Variants in ARHGEF10L observed in about 807,000 individuals in gnomAD.
ARHGEF10L encodes the protein rho guanine nucleotide exchange factor 10-like protein.
In ARHGEF10L, 69 loss-of-function variants were observed where a neutral mutation model predicts 141.2. The ratio of observed to expected loss-of-function variants is 0.49; its 90% CI spans 0.40 to 0.60. The LOEUF (loss-of-function observed/expected upper bound fraction) is 0.60. ARHGEF10L is among the 20% of genes least tolerant of loss of function. The probability of loss-of-function intolerance (pLI) is 0.00; values close to 1 mark genes in which losing one functional copy is unlikely to be tolerated. For missense variants in ARHGEF10L, 1,482 were observed against 1,734.3 expected (o/e 0.85, Z 2.58); for synonymous variants, 711 against 718.5 (o/e 0.99, Z 0.17).
rs190212541 is a variant in ARHGEF10L, at chr1:17,644,348, G to C, written c.2272+4046G>C. Among the ~76,000 whole-genome samples the C allele has an allele frequency of 6.6e-6, 1 of 152,370 alleles. No individual in the cohort carries two copies. The highest frequency in any genetic ancestry group is 1.9e-4 in the East Asian group (1 of 5,186). On this transcript the variant is annotated intron_variant, in intron 21 of 28. Transcript: ENST00000361221. The surrounding 1 kb of genome is among the most constrained non-coding windows in gnomAD (Gnocchi z 4.5). ...GTGTTCTAGACCTCAGCATGTCCTTGAACCCTCACTGCTGTCCCACAGGCT... is the reference window on the plus strand; with the variant it reads ...GTGTTCTAGACCTCAGCATGTCCTTCAACCCTCACTGCTGTCCCACAGGCT...
At chr1:17,536,012 G>C (rs1488854094), upstream of ARHGEF10L, among the ~76,000 whole-genome samples, 15 of 152,198 alleles carry the variant, frequency 9.9e-5, no homozygotes, top group Non-Finnish European at 2.2e-4. Flanking sequence ...TAGGGGCCTG[G>C]GGCCCAGTGT....
chr1:17,638,716 G>A lies in ARHGEF10L; in HGVS notation c.2171+27G>A, dbSNP rs572731091. The stretch of plus-strand genomic sequence containing the variant: ...TGAGAGGAGGGGGTCTTGGAGGGAG[G>A]GCTGCTGCCTCTGCTGGGCTTCCAG... On this transcript the variant is annotated intron_variant, in intron 20 of 28. Transcript: ENST00000361221. 1.7e-5 allele frequency: 28 copies of A among 1,612,546 alleles called. No homozygotes were observed. The African/African-American group carries it at 2.7e-4, about 15-fold the overall frequency.
At chr1:17,643,682 G>A (rs1224557485) in intron 21 of ARHGEF10L, among the ~76,000 whole-genome samples, 4 of 152,144 alleles carry the variant, frequency 2.6e-5, no homozygotes, top group Non-Finnish European at 5.9e-5. Flanking sequence ...ACCAGAAAAC[G>A]GGGAAAATGC....
At chr1:17,592,654 G>A (rs916396995) in intron 4 of ARHGEF10L, among the ~76,000 whole-genome samples, 3 of 152,196 alleles carry the variant, frequency 2.0e-5, no homozygotes, top group Admixed American at 2.0e-4. Context: ...CTCATGGGAA[G>A]GGCAGGTCAG....
rs948274631 is a variant in ARHGEF10L, at chr1:17,644,436, C to A, written c.2273-4118C>A. On this transcript the variant is annotated intron_variant, in intron 21 of 28. Transcript: ENST00000361221. This position sits in a 1 kb window ranked among gnomAD's most constrained non-coding sequence, Gnocchi z 4.5. ...ATGGGTCTCCTCTCCAGGAGTAGGG[C>A]CGAGGGCGTGGCCTTGGAGTCCGAC... 1.3e-5 allele frequency among the ~76,000 whole-genome samples: 2 copies of A among 152,216 alleles called. No homozygotes were observed. Among genetic ancestry groups the A allele is most frequent in the Admixed American group, 6.5e-5 (1 of 15,284 alleles).
chr1:17,630,220 C>T (rs1390153764), intron 15 of ARHGEF10L, among the ~76,000 whole-genome samples: 4 of 152,248 alleles, frequency 2.6e-5, no homozygotes, highest in African/African-American at 9.6e-5. Context: ...CTGGGTGTAA[C>T]CCGAAACGGA....
intron 7 of ARHGEF10L, among the ~76,000 whole-genome samples, chr1:17,611,301 A>G (rs540095545): frequency 6.6e-6 from 1 of 152,348 alleles, no homozygotes; most frequent in East Asian, 1.9e-4. Context: ...GAGTCTGGGT[A>G]GCTCTCAGAG....
At chr1:17,665,026 C>T (rs949099625) in intron 26 of ARHGEF10L, among the ~76,000 whole-genome samples, 4 of 152,180 alleles carry the variant, frequency 2.6e-5, no homozygotes, top group African/African-American at 9.7e-5. Context: ...GCCCTGGTTC[C>T]AGCACTGCCC....
At position 17,673,009 on chromosome 1, in the gene ARHGEF10L, C is replaced by G. The variant is rs995817953; in HGVS notation, c.3009+8414C>G. Among the ~76,000 whole-genome samples the G allele has an allele frequency of 2.6e-5, 4 of 152,054 alleles. No homozygotes were observed. Among genetic ancestry groups the G allele is most frequent in the African/African-American group, 9.7e-5 (4 of 41,374 alleles). On this transcript the variant is annotated intron_variant, in intron 26 of 28. Transcript: ENST00000361221. The surrounding 1 kb of genome is among the most constrained non-coding windows in gnomAD (Gnocchi z 4.1). ...CCTGTGTCTAGCACTTGGATTCCCCCCAACCAGAAGATTTAGGTGATGAAA... is the reference window on the plus strand; with the variant it reads ...CCTGTGTCTAGCACTTGGATTCCCCGCAACCAGAAGATTTAGGTGATGAAA...
chr1:17,696,746 C>T, intron 28 of ARHGEF10L, 102 bp from the exon 29 acceptor site: 1 of 1,283,808 alleles, frequency 7.8e-7, no homozygotes, highest in Admixed American at 2.7e-5. Context: ...AAGTGACCCC[C>T]CCAAATACCC....
the ARHGEF10L span, among the ~76,000 whole-genome samples, chr1:17,526,839 G>A: frequency 0.015 from 2,284 of 151,186 alleles, 62 homozygotes; most frequent in African/African-American, 0.052. Flanking sequence ...GTGAGGCAGA[G>A]TTTACAGTGA....
At chr1:17,608,802 T>A (rs923227173) in intron 7 of ARHGEF10L, among the ~76,000 whole-genome samples, 1 of 152,166 alleles carries the variant, frequency 6.6e-6, no homozygotes, top group Non-Finnish European at 1.5e-5. Flanking sequence ...ATTATTCTTT[T>A]GAGGCAGAGT....
chr1:17,615,862 G>C lies in ARHGEF10L; in HGVS notation c.727-232G>C, dbSNP rs926223286. 10 of 517,594 alleles carry C rather than the reference G, an allele frequency of 1.9e-5. No individual in the cohort carries two copies. Among genetic ancestry groups the C allele is most frequent in the Non-Finnish European group, 3.5e-5 (10 of 282,352 alleles). 32.1% of individuals were successfully genotyped at this position (517,594 alleles called of 1,614,324 possible). A position where few individuals can be genotyped will look rare whatever the true frequency, so the allele number is the denominator to read the frequency against. Reference sequence around the variant, plus strand: ...GAAATCTGCTCACATAGTCTGTCCTGAAAGGAAAAAAATCGGTTACAGCCT... The same window carrying C: ...GAAATCTGCTCACATAGTCTGTCCTCAAAGGAAAAAAATCGGTTACAGCCT... On this transcript the variant is annotated intron_variant, in intron 8 of 28. Coordinates refer to ENST00000361221, the MANE Select transcript of ARHGEF10L (RefSeq NM_018125.4). This position sits in a 1 kb window ranked among gnomAD's most constrained non-coding sequence, Gnocchi z 4.7.
intron 21 of ARHGEF10L, among the ~76,000 whole-genome samples, chr1:17,646,578 G>GCGTGCACA (rs1452025984): frequency 6.6e-6 from 1 of 152,134 alleles, no homozygotes; most frequent in African/African-American, 2.4e-5. Context: ...ACACACGCAC[G>GCGTGCACA]CGTGCACACG....
At position 17,553,037 on chromosome 1, in the gene ARHGEF10L, C is replaced by T. The variant is rs560757953; in HGVS notation, c.-44+13087C>T. On this transcript the variant is annotated intron_variant, in intron 1 of 28. Coordinates refer to ENST00000361221, the MANE Select transcript of ARHGEF10L (RefSeq NM_018125.4). ...CCCTACAACCCCTTAAGTTTTATCA[C>T]GAAGACTTGGAGCTCCAGTGGGCCT... Among the ~76,000 whole-genome samples, 170 of 152,318 alleles carry T rather than the reference C, an allele frequency of 1.1e-3. 1 individual carries two copies. Among genetic ancestry groups the T allele is most frequent in the African/African-American group, 3.4e-3 (141 of 41,576 alleles).
chr1:17,619,556 C>A lies in ARHGEF10L; in HGVS notation c.942+111C>A. The A allele has an allele frequency of 1.1e-6, 1 of 873,284 alleles. No homozygotes were observed. Among genetic ancestry groups the A allele is most frequent in the Non-Finnish European group, 1.7e-6 (1 of 580,984 alleles). The allele number at this position is 873,284 out of a possible 1,614,324, so 54.1% of individuals were successfully genotyped here. ...CTGGATCTCACAGGGGATATGATGA[C>A]TGGGGGCTCTTGGCAGAGCCCAGCT... On this transcript the variant is annotated intron_variant, in intron 10 of 28. Coordinates refer to ENST00000361221, the MANE Select transcript of ARHGEF10L (RefSeq NM_018125.4). The surrounding 1 kb of genome is among the most constrained non-coding windows in gnomAD (Gnocchi z 5.0).
At chr1:17,626,140 CT>C in intron 14 of ARHGEF10L, 92 bp downstream of exon 14, 1 of 1,128,478 alleles carries the variant, frequency 8.9e-7, no homozygotes, top group East Asian at 2.4e-5. Context: ...GGTCTGGGCT[CT>C]TGTCCGTGAT....
intron 4 of ARHGEF10L, among the ~76,000 whole-genome samples, chr1:17,600,544 G>A (rs1461908572): frequency 6.6e-6 from 1 of 152,122 alleles, no homozygotes; most frequent in Non-Finnish European, 1.5e-5. Flanking sequence ...CATGGCCTTG[G>A]CACAGTTGTC....
At chr1:17,630,548 G>A (rs1046035403) in intron 15 of ARHGEF10L, among the ~76,000 whole-genome samples, 2 of 152,202 alleles carry the variant, frequency 1.3e-5, no homozygotes, top group Non-Finnish European at 2.9e-5. Context: ...TGTTAGGAGC[G>A]GTGGGGCCTC....
Sources: gnomAD v4.1 joint callset for allele counts (sites outside exome capture counted in the v4.1 genomes callset) on GRCh38, gnomAD v4.1.1 for gene constraint, Gnocchi (gnomAD v3.1) non-coding constraint, MANE v1.5 for transcripts, NCBI Gene and HGNC (gene_info 2026-07-23, HGNC 2026-07-21) for gene names.